The following HUNK variants were observed in gnomAD, a reference collection of about 807,000 sequenced individuals.
HUNK encodes the protein hormonally up-regulated Neu-associated kinase.
HUNK carries 21 observed loss-of-function variants against 61.0 expected under a neutral mutation model. That is an observed-to-expected ratio of 0.34 (90% CI 0.24 to 0.50). The LOEUF is 0.50. Among genes scored for constraint, HUNK ranks in the 20% least tolerant of loss-of-function variants. HUNK has a pLI of 0.98. For missense variants in HUNK, 772 were observed against 945.7 expected, an observed-to-expected ratio of 0.82 and a Z score of 2.41; for synonymous variants, 371 against 386.1, an observed-to-expected ratio of 0.96 and a Z score of 0.46.
chr21:31,901,841 T>C (rs548509115), intron 1 of HUNK, among the ~76,000 whole-genome samples: 14 of 152,208 alleles, frequency 9.2e-5, no homozygotes, highest in Admixed American at 6.5e-4. Context: ...ACTACCTGAT[T>C]TAGGTGTTCA....
intron 1 of HUNK, among the ~76,000 whole-genome samples, chr21:31,912,490 AG>A (rs1363165934): frequency 6.6e-6 from 1 of 151,904 alleles, no homozygotes; most frequent in African/African-American, 2.4e-5. Flanking sequence ...GGGGGAGGAG[AG>A]GGGTAGAGTT....
At chr21:31,912,514 GT>G (rs1395444021) in intron 1 of HUNK, among the ~76,000 whole-genome samples, 2 of 152,220 alleles carry the variant, frequency 1.3e-5, no homozygotes, top group Non-Finnish European at 2.9e-5. Context: ...AATTAGGCTG[GT>G]TGGGGAAGCC....
At chr21:31,968,902 A>G (rs1013442025) in intron 6 of HUNK, among the ~76,000 whole-genome samples, 5 of 151,364 alleles carry the variant, frequency 3.3e-5, no homozygotes, top group Admixed American at 1.3e-4. Flanking sequence ...TTTTTAATAC[A>G]TAGTCTGGCT....
At chr21:31,944,953 G>A (rs1231191939) in intron 3 of HUNK, among the ~76,000 whole-genome samples, 1 of 152,160 alleles carries the variant, frequency 6.6e-6, no homozygotes, top group African/African-American at 2.4e-5. Context: ...TTCCTACAAC[G>A]TTCCTAATGG....
At chr21:31,948,798 T>C (rs1490586969) in intron 4 of HUNK, among the ~76,000 whole-genome samples, 3 of 152,032 alleles carry the variant, frequency 2.0e-5, no homozygotes, top group Non-Finnish European at 2.9e-5. Context: ...AGCTCAAGGC[T>C]CTAGAAGCGA....
At chr21:31,925,536 A>T (rs769928600) in intron 2 of HUNK, among the ~76,000 whole-genome samples, 9 of 152,214 alleles carry the variant, frequency 5.9e-5, no homozygotes, top group Admixed American at 2.0e-4. Flanking sequence ...TGCTTTACAC[A>T]TAGTAGACAC....
At chr21:31,888,639 C>G (rs909811507) in intron 1 of HUNK, among the ~76,000 whole-genome samples, 6 of 152,250 alleles carry the variant, frequency 3.9e-5, no homozygotes, top group African/African-American at 1.2e-4. Flanking sequence ...ACTCGGGAGG[C>G]TGAGGCAGGA....
intron 6 of HUNK, among the ~76,000 whole-genome samples, chr21:31,971,129 A>T (rs1478208998): frequency 6.6e-6 from 1 of 151,846 alleles, no homozygotes; most frequent in Non-Finnish European, 1.5e-5. Flanking sequence ...CCCAGGCTGG[A>T]GTGCAGTGGT....
Position 31,974,630 on chromosome 21 carries a change from G to C in HUNK, c.1086G>C (p.Val362=), listed in dbSNP as rs1352411643. ...TEKLGYKNSD[V]INTVLSNRAC... ...AGCTGGGTTACAAGAACAGCGACGT[G>C]ATCAACACTGTGCTCTCCAACCGCG... is the stretch of plus-strand genomic sequence containing the variant. The change falls in exon 7 of 11, where the codon GTG becomes GTC. Residue 362 remains valine, a synonymous_variant. Coordinates refer to ENST00000270112, the MANE Select transcript of HUNK (RefSeq NM_014586.2). The C allele has an allele frequency of 2.5e-6, 4 of 1,613,790 alleles. No homozygotes were observed. The East Asian group carries it at 6.7e-5, about 27-fold the overall frequency.
rs750127108 is a variant in HUNK, at chr21:31,924,498, G to T, written c.292G>T (p.Ala98Ser). The change falls in exon 2 of 11, where the codon GCC becomes TCC. Residue 98 changes from alanine to serine, a missense_variant. By Grantham distance (99) the Ala-to-Ser change is moderately conservative. Around this residue, in one of 2 missense-constraint regions of HUNK, gnomAD observed 359 missense variants for 501.3 expected, o/e 0.72. Coordinates refer to ENST00000270112, the MANE Select transcript of HUNK (RefSeq NM_014586.2). This position sits in a 1 kb window ranked among gnomAD's most constrained non-coding sequence, Gnocchi z 5.1. ...VAIKVIDKKR[A>S]KKDTYVTKNL... ...CATAAAAGTCATTGATAAGAAGAGA[G>T]CCAAAAAGGACACCTATGTCACCAA... 3 of 1,614,002 alleles carry T rather than the reference G, an allele frequency of 1.9e-6. No homozygotes were observed. The Admixed American group carries it at 5.0e-5, about 27-fold the overall frequency.
At chr21:31,877,981 A>G (rs1447265905) in intron 1 of HUNK, among the ~76,000 whole-genome samples, 1 of 152,210 alleles carries the variant, frequency 6.6e-6, no homozygotes, top group Non-Finnish European at 1.5e-5. Flanking sequence ...GAAACAGGAC[A>G]GACGTGGTGG....
chr21:31,973,442 T>C (rs1411084966), intron 6 of HUNK, among the ~76,000 whole-genome samples: 3 of 152,330 alleles, frequency 2.0e-5, no homozygotes, highest in African/African-American at 7.2e-5. Flanking sequence ...TTGTTCAGAA[T>C]GCCATCATTC....
intron 2 of HUNK, among the ~76,000 whole-genome samples, chr21:31,927,399 TTTGGGAGG>T (rs1232994802): frequency 6.6e-6 from 1 of 151,890 alleles, no homozygotes; most frequent in Non-Finnish European, 1.5e-5. Flanking sequence ...ATTCCAGCAC[TTTGGGAGG>T]CTGAGGCAGG....
intron 1 of HUNK, among the ~76,000 whole-genome samples, chr21:31,890,438 A>G (rs2052379214): frequency 6.6e-6 from 1 of 152,180 alleles, no homozygotes; most frequent in African/African-American, 2.4e-5. Context: ...CATGTTGGTC[A>G]GGCTGGTCTC....
rs1396951038 is a variant in HUNK, at chr21:31,873,787, C to T, written c.113C>T (p.Pro38Leu). The change falls in exon 1 of 11, where the codon CCT becomes CTT. Residue 38 changes from proline to leucine, a missense_variant. By Grantham distance (98) the Pro-to-Leu change is moderately conservative (BLOSUM62 -3). Around this residue, in one of 2 missense-constraint regions of HUNK, gnomAD observed 359 missense variants for 501.3 expected, o/e 0.72. Coordinates refer to ENST00000270112, the MANE Select transcript of HUNK (RefSeq NM_014586.2). The surrounding 1 kb of genome is among the most constrained non-coding windows in gnomAD (Gnocchi z 6.1). ...GCGGCCTGCGAGGGAAGTTTCCTGC[C>T]TGCCTGGGTGAGCGGCGTGCCCCGC... is the stretch of plus-strand genomic sequence containing the variant. ...PAAACEGSFL[P>L]AWVSGVPRER... 1.2e-5 allele frequency: 18 copies of T among 1,543,214 alleles called. No homozygotes were observed. The highest frequency in any genetic ancestry group is 1.5e-5 in the Non-Finnish European group (17 of 1,148,972).
intron 8 of HUNK, among the ~76,000 whole-genome samples, chr21:31,986,470 C>T (rs1004369892): frequency 5.9e-5 from 9 of 152,142 alleles, no homozygotes; most frequent in Non-Finnish European, 1.0e-4. Context: ...TGGCCCGCCA[C>T]TCTCTCCTGC....
intron 2 of HUNK, among the ~76,000 whole-genome samples, chr21:31,932,150 A>G (rs1182049696): frequency 6.6e-6 from 1 of 152,170 alleles, no homozygotes; most frequent in Admixed American, 6.5e-5. Context: ...CAATGTGCCC[A>G]CACAAACTCA....
At chr21:31,940,075 T>TA (rs776088599) in intron 2 of HUNK, 90 bp from the exon 3 acceptor site, 63 of 1,046,652 alleles carry the variant, frequency 6.0e-5, no homozygotes, top group Non-Finnish European at 8.4e-5. Context: ...GAAGTGGCTC[T>TA]AAAAACAGTT....
intron 3 of HUNK, 45 bp from the exon 4 acceptor site, chr21:31,945,991 G>T: frequency 6.5e-7 from 1 of 1,537,038 alleles, no homozygotes; most frequent in Non-Finnish European, 8.8e-7. Flanking sequence ...CTTCATTTCC[G>T]CAGTTTTCTA....
Sources: gnomAD v4.1 joint callset for allele counts (sites outside exome capture counted in the v4.1 genomes callset) on GRCh38, gnomAD v4.1.1 for gene constraint, gnomAD v4.1.1 regional missense constraint, Gnocchi (gnomAD v3.1) non-coding constraint, MANE v1.5 for transcripts, NCBI Gene and HGNC (gene_info 2026-07-23, HGNC 2026-07-21) for gene names.